The following C12orf42 variants were observed in gnomAD, a reference collection of about 807,000 sequenced individuals.
C12orf42 encodes the protein chromosome 12 open reading frame 42.
In C12orf42, 25 loss-of-function variants were observed where a neutral mutation model predicts 21.6. The observed-to-expected ratio is 1.16, with a 90% confidence interval of 0.84 to 1.62. The LOEUF (loss-of-function observed/expected upper bound fraction) is 1.62. Ranked by LOEUF, C12orf42 falls within the 40% of genes most tolerant of loss-of-function variation. The probability of loss-of-function intolerance (pLI) is 0.00; values close to 1 mark genes in which losing one functional copy is unlikely to be tolerated. For synonymous variants in C12orf42, 174 were observed against 175.0 expected (o/e 0.99, Z 0.05); for missense variants, 483 against 459.3 (o/e 1.05, Z -0.47).
chr12:103,087,685 ATAAAG>A, the C12orf42 span, among the ~76,000 whole-genome samples: 2 of 152,258 alleles, frequency 1.3e-5, no homozygotes, highest in Non-Finnish European at 2.9e-5. Context: ...ATATAATTCT[ATAAAG>A]TAAAGACTTA....
chr12:103,345,386 C>G (rs1017068868), intron 4 of C12orf42, among the ~76,000 whole-genome samples: 1 of 152,122 alleles, frequency 6.6e-6, no homozygotes, highest in Admixed American at 6.5e-5. Context: ...CATAAGGGCT[C>G]AGTAAATGTT....
chr12:103,447,404 C>G (rs1044947764), intron 2 of C12orf42, among the ~76,000 whole-genome samples: 1 of 151,920 alleles, frequency 6.6e-6, no homozygotes, highest in Non-Finnish European at 1.5e-5. Flanking sequence ...TGTCCACTCA[C>G]CACTTCTATT....
At chr12:103,425,290 G>C (rs1423500805) in intron 2 of C12orf42, among the ~76,000 whole-genome samples, 5 of 152,198 alleles carry the variant, frequency 3.3e-5, no homozygotes, top group Non-Finnish European at 7.3e-5. Context: ...CTGCCTGCCA[G>C]CTCTAAAGAG....
At chr12:103,424,274 A>C (rs1215987084) in intron 2 of C12orf42, among the ~76,000 whole-genome samples, 1 of 152,264 alleles carries the variant, frequency 6.6e-6, no homozygotes, top group African/African-American at 2.4e-5. Context: ...GGGGTCAACT[A>C]TAATAAGGAA....
At chr12:103,424,800 C>T (rs373139530) in intron 2 of C12orf42, among the ~76,000 whole-genome samples, 2 of 152,130 alleles carry the variant, frequency 1.3e-5, no homozygotes, top group East Asian at 3.8e-4. Flanking sequence ...TTTTGTTTTT[C>T]ATTCCCCAGT....
intron 2 of C12orf42, among the ~76,000 whole-genome samples, chr12:103,416,175 G>A (rs575496924): frequency 3.2e-4 from 49 of 151,752 alleles, no homozygotes; most frequent in Middle Eastern, 3.4e-3. Flanking sequence ...CATTCTGTAG[G>A]GGTATGCACA....
intron 4 of C12orf42, among the ~76,000 whole-genome samples, chr12:103,367,708 A>G (rs2044739362): frequency 6.6e-6 from 1 of 151,982 alleles, no homozygotes; most frequent in Admixed American, 6.6e-5. Context: ...AAGTAGGAAA[A>G]AGACTGTCTA....
intron 4 of C12orf42, among the ~76,000 whole-genome samples, chr12:103,316,028 C>A (rs748143994): frequency 8.0e-5 from 12 of 150,658 alleles, no homozygotes; most frequent in Non-Finnish European, 1.6e-4. Context: ...TATATACACA[C>A]ACATGCACTG....
At chr12:103,229,744 T>A in the C12orf42 span, among the ~76,000 whole-genome samples, 53 of 152,346 alleles carry the variant, frequency 3.5e-4, no homozygotes, top group East Asian at 1.9e-3. Context: ...CTATATCTCA[T>A]TTTTTACTTT....
At chr12:103,303,649 G>A (rs1490281979) in intron 5 of C12orf42, among the ~76,000 whole-genome samples, 1 of 152,150 alleles carries the variant, frequency 6.6e-6, no homozygotes, top group Admixed American at 6.5e-5. Flanking sequence ...ACGTAATTCA[G>A]TTTAGTTCAT....
intron 4 of C12orf42, among the ~76,000 whole-genome samples, chr12:103,290,154 A>G (rs1444840513): frequency 2.0e-5 from 3 of 152,206 alleles, no homozygotes; most frequent in African/African-American, 7.2e-5. Flanking sequence ...CTCTGCTGGG[A>G]AAACCCAAGA....
chr12:103,071,799 T>G, the C12orf42 span, among the ~76,000 whole-genome samples: 1 of 152,190 alleles, frequency 6.6e-6, no homozygotes, highest in African/African-American at 2.4e-5. Flanking sequence ...GTCTTGACTA[T>G]GTCTTTGTTA....
the C12orf42 span, among the ~76,000 whole-genome samples, chr12:103,070,515 TACACACAC>T: frequency 4.7e-4 from 57 of 120,146 alleles, 1 homozygote; most frequent in African/African-American, 1.5e-3. Context: ...TACATACACA[TACACACAC>T]ACACACACAC....
chr12:103,381,083 A>G (rs892103817), intron 3 of C12orf42, among the ~76,000 whole-genome samples: 1 of 152,150 alleles, frequency 6.6e-6, no homozygotes, highest in Non-Finnish European at 1.5e-5. Context: ...TTACAGAAAT[A>G]CTCATTCTGA....
upstream of C12orf42, among the ~76,000 whole-genome samples, chr12:103,499,554 G>A (rs1323292497): frequency 6.6e-6 from 1 of 152,214 alleles, no homozygotes; most frequent in African/African-American, 2.4e-5. Context: ...TGGCTTGGAG[G>A]TATGTTGAGA....
At chr12:103,369,992 C>A (rs930567362) in intron 3 of C12orf42, among the ~76,000 whole-genome samples, 1 of 152,088 alleles carries the variant, frequency 6.6e-6, no homozygotes, top group Non-Finnish European at 1.5e-5. Context: ...CAACAATGGT[C>A]TAATACCCAG....
downstream of C12orf42, among the ~76,000 whole-genome samples, chr12:103,299,460 T>C (rs2037515533): frequency 6.6e-6 from 1 of 152,114 alleles, no homozygotes; most frequent in South Asian, 2.1e-4. Context: ...TTTATATTTC[T>C]CAATATTTAT....
intron 4 of C12orf42, among the ~76,000 whole-genome samples, chr12:103,329,747 G>A (rs983323805): frequency 5.3e-5 from 8 of 151,764 alleles, no homozygotes; most frequent in African/African-American, 1.9e-4. Context: ...GAAAAGACAA[G>A]GAAAAGGGGG....
At chr12:103,170,924 C>G in the C12orf42 span, among the ~76,000 whole-genome samples, 1 of 152,102 alleles carries the variant, frequency 6.6e-6, no homozygotes, top group Non-Finnish European at 1.5e-5. Flanking sequence ...AGAGAAGTGA[C>G]TTTTTGAGGT....
Sources: gnomAD v4.1 joint callset for allele counts (sites outside exome capture counted in the v4.1 genomes callset) on GRCh38, gnomAD v4.1.1 for gene constraint, MANE v1.5 for transcripts, NCBI Gene and HGNC (gene_info 2026-07-23, HGNC 2026-07-21) for gene names.